The following RSRC1 variants were observed in gnomAD, a reference collection of about 807,000 sequenced individuals.
The protein encoded by RSRC1 is arginine and serine rich coiled-coil 1.
RSRC1 carries 39 observed loss-of-function variants against 49.1 expected under a neutral mutation model. The observed-to-expected ratio is 0.79, with a 90% confidence interval of 0.61 to 1.04. The LOEUF is 1.04. Ranked by LOEUF, RSRC1 falls within the 50% of genes least tolerant of loss-of-function variation. The pLI is 0.00. For missense variants in RSRC1, 388 were observed against 402.4 expected, an observed-to-expected ratio of 0.96 and a Z score of 0.31; for synonymous variants, 143 against 130.8, an observed-to-expected ratio of 1.09 and a Z score of -0.63.
intron 5 of RSRC1, among the ~76,000 whole-genome samples, chr3:158,314,590 A>G (rs1301163297): frequency 2.0e-5 from 3 of 152,180 alleles, no homozygotes; most frequent in African/African-American, 7.2e-5. Context: ...GTTTAGTGCT[A>G]CAGTGCTTTC....
chr3:158,477,608 AGTG>A (rs1738422820), intron 7 of RSRC1, among the ~76,000 whole-genome samples: 3 of 151,902 alleles, frequency 2.0e-5, no homozygotes. Flanking sequence ...ACTATAGTGT[AGTG>A]TAAACATAAC....
intron 7 of RSRC1, among the ~76,000 whole-genome samples, chr3:158,522,733 T>G (rs1391245044): frequency 6.6e-6 from 1 of 152,136 alleles, no homozygotes; most frequent in African/African-American, 2.4e-5. Context: ...TGCTTCATTT[T>G]TTTTCCCTGG....
At chr3:158,274,460 T>C (rs191938897) in intron 4 of RSRC1, among the ~76,000 whole-genome samples, 22 of 152,042 alleles carry the variant, frequency 1.4e-4, no homozygotes, top group African/African-American at 5.3e-4. Context: ...GGATCTTTTC[T>C]TTTTTTTAAG....
chr3:158,227,906 C>T (rs933428085), intron 4 of RSRC1, among the ~76,000 whole-genome samples: 2 of 151,972 alleles, frequency 1.3e-5, no homozygotes, highest in African/African-American at 4.8e-5. Flanking sequence ...CCACTTTGGC[C>T]TGAGGGCTAT....
rs180753936 is a variant in RSRC1, at chr3:158,265,703, A to G, written c.495-32336A>G. 1.6e-4 allele frequency among the ~76,000 whole-genome samples: 25 copies of G among 152,164 alleles called. No individual in the cohort carries two copies. The East Asian group carries it at 4.8e-3, about 29-fold the overall frequency. ...CAAAAGCTATGACTTTTTTTCCGCCACTTGTAAGCTAACAATTTAAAAAGC... is the reference window on the plus strand; with the variant it reads ...CAAAAGCTATGACTTTTTTTCCGCCGCTTGTAAGCTAACAATTTAAAAAGC... On this transcript the variant is annotated intron_variant, in intron 4 of 9. Transcript: ENST00000611884.
At chr3:158,163,756 G>T (rs1718375845) in intron 3 of RSRC1, among the ~76,000 whole-genome samples, 1 of 85,102 alleles carries the variant, frequency 1.2e-5, no homozygotes. Context: ...ACCCTTTATA[G>T]CAATTTTTTT....
chr3:158,122,526 C>T (rs1319425404), intron 2 of RSRC1, among the ~76,000 whole-genome samples: 2 of 151,530 alleles, frequency 1.3e-5, no homozygotes, highest in Non-Finnish European at 2.9e-5. Flanking sequence ...GGTGTAGTTT[C>T]CTTTTTTAAT....
intron 4 of RSRC1, chr3:158,275,776 T>G: frequency 2.1e-6 from 1 of 482,378 alleles, no homozygotes; most frequent in Non-Finnish European, 3.4e-6. Context: ...CTAAATAGTT[T>G]ATTAGGTATG....
At chr3:158,541,333 C>G (rs1326683792) in intron 8 of RSRC1, among the ~76,000 whole-genome samples, 1 of 152,146 alleles carries the variant, frequency 6.6e-6, no homozygotes, top group East Asian at 1.9e-4. Context: ...TTGTCAGCAC[C>G]TTGTATAGTC....
At chr3:158,532,512 A>T (rs1712462373) in intron 7 of RSRC1, among the ~76,000 whole-genome samples, 1 of 151,748 alleles carries the variant, frequency 6.6e-6, no homozygotes, top group African/African-American at 2.4e-5. Flanking sequence ...ATTGTCAAAT[A>T]TAACTTGAAG....
intron 4 of RSRC1, among the ~76,000 whole-genome samples, chr3:158,232,513 G>C (rs763992179): frequency 1.3e-5 from 2 of 152,090 alleles, no homozygotes; most frequent in Admixed American, 6.6e-5. Flanking sequence ...TGTTTACATT[G>C]AAATTGTTGA....
chr3:158,543,402 C>G lies in RSRC1; in HGVS notation c.827C>G (p.Pro276Arg). The change falls in exon 9 of 10, where the codon CCA (proline) becomes CGA (arginine). Residue 276 changes from proline (P) to arginine (R), a missense_variant. By Grantham distance (103) the Pro-to-Arg change is moderately radical (BLOSUM62 -2). Coordinates refer to ENST00000611884, the MANE Select transcript of RSRC1 (RefSeq NM_001271838.2). ...GGACCAGCATCAGCAGTTGCTGATCCACCCAGTACTGAAAAAGAAATAGAT... is the reference window on the plus strand; with the variant it reads ...GGACCAGCATCAGCAGTTGCTGATCGACCCAGTACTGAAAAAGAAATAGAT... Reference protein sequence around the residue: ...TSGPASAVADPPSTEKEIDPT... With the variant: ...TSGPASAVADRPSTEKEIDPT... 1 of 1,601,204 alleles carries G rather than the reference C, an allele frequency of 6.2e-7. No homozygotes were observed. The highest frequency in any genetic ancestry group is 8.5e-7 in the Non-Finnish European group (1 of 1,174,276).
intron 3 of RSRC1, among the ~76,000 whole-genome samples, chr3:158,202,570 A>ATATATATATATATATATATATATATATG (rs1559941235): frequency 4.3e-5 from 6 of 139,220 alleles, no homozygotes; most frequent in African/African-American, 1.7e-4. Flanking sequence ...GATTATATAT[A>ATATATATATATATATATATATATATATG]TATATATATA....
At chr3:158,529,630 C>CA (rs1712262617) in intron 7 of RSRC1, among the ~76,000 whole-genome samples, 1 of 151,982 alleles carries the variant, frequency 6.6e-6, no homozygotes, top group East Asian at 1.9e-4. Context: ...AACAGCTCAT[C>CA]TGGCCTTCTA....
intron 7 of RSRC1, among the ~76,000 whole-genome samples, chr3:158,521,067 A>T (rs1050695723): frequency 6.6e-6 from 1 of 152,200 alleles, no homozygotes; most frequent in Non-Finnish European, 1.5e-5. Context: ...ATTTTGAGAC[A>T]TAACAGAATG....
intron 6 of RSRC1, among the ~76,000 whole-genome samples, chr3:158,375,371 T>C (rs1397253791): frequency 6.6e-6 from 1 of 151,154 alleles, no homozygotes; most frequent in Non-Finnish European, 1.5e-5. Flanking sequence ...ATATCCTTTT[T>C]TTTTTTTTCT....
chr3:158,168,841 A>G (rs1718690258), intron 3 of RSRC1, among the ~76,000 whole-genome samples: 1 of 152,134 alleles, frequency 6.6e-6, no homozygotes, highest in Non-Finnish European at 1.5e-5. Flanking sequence ...GATTTCTTGT[A>G]TAGCTAAGGT....
intron 5 of RSRC1, among the ~76,000 whole-genome samples, chr3:158,350,531 G>A (rs1730815387): frequency 6.6e-6 from 1 of 152,126 alleles, no homozygotes; most frequent in Non-Finnish European, 1.5e-5. Flanking sequence ...AGTGTTAGTA[G>A]GGTTGGTTCC....
intron 3 of RSRC1, among the ~76,000 whole-genome samples, chr3:158,180,970 A>G (rs1431939157): frequency 6.6e-6 from 1 of 151,050 alleles, no homozygotes; most frequent in Non-Finnish European, 1.5e-5. Flanking sequence ...ACGCCCGGCT[A>G]ATTTTTTGTA....
Sources: allele counts gnomAD v4.1 joint callset (sites outside exome capture counted in the v4.1 genomes callset), GRCh38; gene constraint gnomAD v4.1.1; transcripts MANE v1.5; gene names NCBI Gene and HGNC (gene_info 2026-07-23, HGNC 2026-07-21).